Variants in ETV6 observed in about 807,000 individuals in gnomAD.
The protein encoded by ETV6 is transcription factor ETV6.
In ETV6, 16 loss-of-function variants were observed where a neutral mutation model predicts 51.1. That is an observed-to-expected ratio of 0.31 (90% CI 0.21 to 0.48). The LOEUF is 0.48. ETV6 is among the 20% of genes least tolerant of loss of function. The pLI is 0.99. For synonymous variants in ETV6, 240 were observed against 224.1 expected, an observed-to-expected ratio of 1.07 and a Z score of -0.64; for missense variants, 458 against 594.8, an observed-to-expected ratio of 0.77 and a Z score of 2.39.
chr12:11,851,957 T>C, intron 3 of ETV6, among the ~76,000 whole-genome samples: 1 of 152,170 alleles, frequency 6.6e-6, no homozygotes, highest in East Asian at 1.9e-4. Flanking sequence ...CAATCCAAAA[T>C]ATGCCTTGAA....
intron 1 of ETV6, among the ~76,000 whole-genome samples, chr12:11,731,290 G>A (rs769864678): frequency 6.6e-6 from 1 of 152,148 alleles, no homozygotes; most frequent in Non-Finnish European, 1.5e-5. Context: ...AAAAATTTTT[G>A]TATTGAAAAT....
chr12:11,698,743 G>C (rs1012934837), intron 1 of ETV6, among the ~76,000 whole-genome samples: 1 of 152,224 alleles, frequency 6.6e-6, no homozygotes, highest in Non-Finnish European at 1.5e-5. Context: ...AAATGCCTGA[G>C]ATTGAGCTGG....
Position 11,885,940 on chromosome 12 carries a change from G to T in ETV6, c.1167G>T (p.Met389Ile). The change falls in exon 7 of 8, where the codon ATG (methionine) becomes ATT (isoleucine). Residue 389 changes from methionine to isoleucine, a missense_variant. Met to Ile is a conservative substitution (Grantham distance 10). Transcript: ENST00000396373. ...LWGNHKNRTN[M>I]TYEKMSRALR... ...TGAACAAACAGAACAGAACAAACAT[G>T]ACCTATGAGAAAATGTCCAGAGCCC... 6.2e-7 allele frequency: 1 copy of T among 1,613,138 alleles called. No individual in the cohort carries two copies. The highest frequency in any genetic ancestry group is 1.1e-5 in the South Asian group (1 of 91,020).
intron 1 of ETV6, among the ~76,000 whole-genome samples, chr12:11,743,102 C>T (rs1288616103): frequency 1.3e-5 from 2 of 152,212 alleles, no homozygotes; most frequent in South Asian, 2.1e-4. Flanking sequence ...GCCACTGCGC[C>T]AGACCTCTTT....
chr12:11,722,630 AG>A (rs1349164908), intron 1 of ETV6, among the ~76,000 whole-genome samples: 3 of 152,208 alleles, frequency 2.0e-5, no homozygotes, highest in Non-Finnish European at 4.4e-5. Context: ...AAGTCAGAAA[AG>A]CCAAACTGAT....
intron 1 of ETV6, among the ~76,000 whole-genome samples, chr12:11,675,134 A>G (rs1438080877): frequency 6.6e-6 from 1 of 152,156 alleles, no homozygotes; most frequent in Non-Finnish European, 1.5e-5. Context: ...GTTTATTACC[A>G]CAAGGAGTGA....
intron 2 of ETV6, among the ~76,000 whole-genome samples, chr12:11,786,234 T>C (rs1046604515): frequency 1.3e-5 from 2 of 152,208 alleles, no homozygotes; most frequent in Admixed American, 6.5e-5. Flanking sequence ...GGTCTTTTCA[T>C]ATGAAGTCTC....
intron 2 of ETV6, among the ~76,000 whole-genome samples, chr12:11,761,038 A>G (rs1480964749): frequency 6.6e-6 from 1 of 152,086 alleles, no homozygotes; most frequent in Non-Finnish European, 1.5e-5. Flanking sequence ...CAGGTAAACC[A>G]CTTGCCCGAG....
At chr12:11,834,336 G>A (rs1013484421) in intron 2 of ETV6, among the ~76,000 whole-genome samples, 1 of 152,164 alleles carries the variant, frequency 6.6e-6, no homozygotes, top group African/African-American at 2.4e-5. Context: ...CACATTTTAT[G>A]ATTCTGTCTC....
In ETV6 at chr12:11,894,560, C is replaced by A. The variant is rs1228729578; in HGVS notation, c.*3514C>A. ...TCTCCTTTCACCAGTATGTTTGGAA[C>A]CCTCTGATCCAATGTCTTTTGATAC... On this transcript the variant is annotated 3_prime_UTR_variant, in exon 8 of 8. Coordinates refer to ENST00000396373, the MANE Select transcript of ETV6 (RefSeq NM_001987.5). 1 of 233,058 alleles carries A rather than the reference C, an allele frequency of 4.3e-6. No homozygotes were observed. The highest frequency in any genetic ancestry group is 8.5e-6 in the Non-Finnish European group (1 of 118,008). The allele number at this position is 233,058 out of a possible 1,614,324, so 14.4% of individuals were successfully genotyped here. A position where few individuals can be genotyped will look rare whatever the true frequency, so the allele number is the denominator to read the frequency against.
chr12:11,669,355 T>C (rs866802977), intron 1 of ETV6, among the ~76,000 whole-genome samples: 2 of 46,620 alleles, frequency 4.3e-5, no homozygotes, highest in Non-Finnish European at 1.0e-4. Context: ...CCCGTCCTCC[T>C]GTCCTCCCTT....
At chr12:11,843,885 A>C (rs1171425376) in intron 3 of ETV6, among the ~76,000 whole-genome samples, 1 of 152,172 alleles carries the variant, frequency 6.6e-6, no homozygotes, top group Non-Finnish European at 1.5e-5. Flanking sequence ...TTTTCTTTGG[A>C]ATAGTCTCCC....
intron 7 of ETV6, 36 bp downstream of exon 7, chr12:11,886,062 A>G: frequency 6.8e-7 from 1 of 1,474,812 alleles, no homozygotes; most frequent in African/African-American, 1.4e-5. Context: ...TTCTTTTGGG[A>G]GGATGCTGTT....
At position 11,695,236 on chromosome 12, in the gene ETV6, C is replaced by A. The variant is rs115003470; in HGVS notation, c.33+45076C>A. ...TTGAAATAGAGATTTCTCCACCTCACGTAATTAGGATTTGAGAGTTAAATA... is the reference window on the plus strand; with the variant it reads ...TTGAAATAGAGATTTCTCCACCTCAAGTAATTAGGATTTGAGAGTTAAATA... On this transcript the variant is annotated intron_variant, in intron 1 of 7. Transcript: ENST00000396373. Among the ~76,000 whole-genome samples the A allele has an allele frequency of 7.4e-3, 1,128 of 152,190 alleles. 6 individuals carry two copies. Among genetic ancestry groups the A allele is most frequent in the African/African-American group, 0.025 (1,055 of 41,496 alleles).
At chr12:11,859,388 G>T (rs906761573) in intron 4 of ETV6, among the ~76,000 whole-genome samples, 1 of 151,364 alleles carries the variant, frequency 6.6e-6, no homozygotes, top group Non-Finnish European at 1.5e-5. Flanking sequence ...TGATCCGCCC[G>T]CCTCGGCCTC....
At chr12:11,859,384 G>T (rs1170448543) in intron 4 of ETV6, among the ~76,000 whole-genome samples, 1 of 151,668 alleles carries the variant, frequency 6.6e-6, no homozygotes, top group Non-Finnish European at 1.5e-5. Context: ...CTCGTGATCC[G>T]CCCGCCTCGG....
At chr12:11,687,240 A>C (rs1864650877) in intron 1 of ETV6, among the ~76,000 whole-genome samples, 1 of 115,704 alleles carries the variant, frequency 8.6e-6, no homozygotes, top group Non-Finnish European at 1.7e-5. Flanking sequence ...AGCTCACTGC[A>C]ACCTCCGGCT....
intron 6 of ETV6, among the ~76,000 whole-genome samples, chr12:11,885,148 G>A (rs539808150): frequency 1.3e-4 from 20 of 152,362 alleles, no homozygotes; most frequent in South Asian, 6.2e-4. Context: ...GCTCAAGTGC[G>A]CAGTTGTAAA....
chr12:11,681,020 AT>A (rs1329401487), intron 1 of ETV6, among the ~76,000 whole-genome samples: 13 of 152,256 alleles, frequency 8.5e-5, no homozygotes, highest in South Asian at 2.1e-4. Context: ...CCTGGTCGAC[AT>A]TTTCTGGTGG....
Sources: gnomAD v4.1 joint callset for allele counts (sites outside exome capture counted in the v4.1 genomes callset) on GRCh38, gnomAD v4.1.1 for gene constraint, MANE v1.5 for transcripts, NCBI Gene and HGNC (gene_info 2026-07-23, HGNC 2026-07-21) for gene names.